The following DYNC1H1 variants were observed in gnomAD, a reference collection of about 807,000 sequenced individuals.
DYNC1H1 encodes dynein cytoplasmic 1 heavy chain 1, also known as cytoplasmic dynein 1 heavy chain 1.
Under a neutral mutation model 527.1 loss-of-function variants are expected in DYNC1H1, and 51 were observed. The observed-to-expected ratio is 0.10, with a 90% CI of 0.08 to 0.12. The LOEUF is 0.12. DYNC1H1 is among the 10% of genes least tolerant of loss of function. The pLI, the probability that DYNC1H1 is intolerant of heterozygous loss-of-function variation, is 1.00. For synonymous variants in DYNC1H1, 2,189 were observed against 2,278.8 expected (o/e 0.96, Z 1.12); for missense variants, 2,771 against 5,971.8 (o/e 0.46, Z 17.66).
At chr14:101,988,646 G>C (rs2047962683) in intron 9 of DYNC1H1, 57 bp from the exon 10 acceptor site, 1 of 1,611,886 alleles carries the variant, frequency 6.2e-7, no homozygotes, top group African/African-American at 1.3e-5. Flanking sequence ...TGATTGACTT[G>C]CTTTGTGAGC....
In DYNC1H1 at chr14:101,975,692, ATATT is replaced by A. The variant is rs761402353; in HGVS notation, c.257-15_257-12del. 17 of 1,590,196 alleles carry A rather than the reference ATATT, an allele frequency of 1.1e-5. No individual in the cohort carries two copies. The highest frequency in any genetic ancestry group is 1.7e-5 in the Admixed American group (1 of 59,890). ...TTGGAAATGTTGATATTAATTTGAT[ATATT>A]TATTATGATTTGTAGAGGACGTCGG... On this transcript the variant is annotated splice_polypyrimidine_tract_variant and intron_variant, in intron 1 of 77. Transcript: ENST00000360184.
chr14:102,007,149 G>T (rs2048205694), intron 28 of DYNC1H1, 41 bp downstream of exon 28: 1 of 1,598,458 alleles, frequency 6.3e-7, no homozygotes, highest in Admixed American at 1.7e-5. Context: ...GTAATGCCCT[G>T]CAGGGATCAT....
chr14:102,041,194 GT>G lies in DYNC1H1; in HGVS notation c.11942-375del. On this transcript the variant is annotated intron_variant, in intron 64 of 77. Coordinates refer to ENST00000360184, the MANE Select transcript of DYNC1H1 (RefSeq NM_001376.5). This position sits in a 1 kb window ranked among gnomAD's most constrained non-coding sequence, Gnocchi z 4.5. ...AGACAGGAATGGAATGCCATCAGCCGTTTTTGAGTGTGTTAGGCCAGACCCT... is the reference window on the plus strand; with the variant it reads ...AGACAGGAATGGAATGCCATCAGCCGTTTTGAGTGTGTTAGGCCAGACCCT... 2.8e-6 allele frequency: 1 copy of G among 360,944 alleles called. No homozygotes were observed. Among genetic ancestry groups the G allele is most frequent in the Non-Finnish European group, 5.3e-6 (1 of 189,452 alleles). The allele number at this position is 360,944 out of a possible 1,614,324, so 22.4% of individuals were successfully genotyped here.
In DYNC1H1 at chr14:102,038,824, C is replaced by T; in HGVS notation, c.11182C>T (p.Arg3728Ter). The change falls in exon 59 of 78, where the codon CGA (arginine) becomes TGA (stop). Residue 3728 changes from arginine (R) to a stop codon, truncating the protein, a stop_gained. Coordinates refer to ENST00000360184, the MANE Select transcript of DYNC1H1 (RefSeq NM_001376.5). LOFTEE classifies it high-confidence loss of function. The surrounding 1 kb of genome is among the most constrained non-coding windows in gnomAD (Gnocchi z 7.2). ...KAERPDVDEK[R>*]SDLLKLQGEF... ...AGAAAGACCTGATGTGGACGAGAAA[C>T]GATCTGATCTTCTTAAACTTCAAGG... 1.2e-6 allele frequency: 2 copies of T among 1,614,176 alleles called. No homozygotes were observed. The highest frequency in any genetic ancestry group is 1.7e-6 in the Non-Finnish European group (2 of 1,180,034).
chr14:102,041,991 C>T lies in DYNC1H1; in HGVS notation c.12103-22C>T. 5.0e-6 allele frequency: 8 copies of T among 1,612,380 alleles called. No homozygotes were observed. Among genetic ancestry groups the T allele is most frequent in the Non-Finnish European group, 6.8e-6 (8 of 1,178,434 alleles). On this transcript the variant is annotated intron_variant, in intron 65 of 77. Coordinates refer to ENST00000360184, the MANE Select transcript of DYNC1H1 (RefSeq NM_001376.5). The surrounding 1 kb of genome is among the most constrained non-coding windows in gnomAD (Gnocchi z 4.5). ...ACACTATTTGCTGGCACTGTAATAA[C>T]TTCTGCCTTCTTTGTTTGCAGGTGA... is the stretch of plus-strand genomic sequence containing the variant.
At chr14:102,028,510 G>C in intron 48 of DYNC1H1, 1 of 343,384 alleles carries the variant, frequency 2.9e-6, no homozygotes, top group Non-Finnish European at 5.7e-6. Context: ...GCAAGACCCA[G>C]ACTCAAAACA....
In DYNC1H1 at chr14:102,005,852, T is replaced by C. The variant is rs765735810; in HGVS notation, c.5434-36T>C. 3 of 1,613,716 alleles carry C rather than the reference T, an allele frequency of 1.9e-6. No homozygotes were observed. The highest frequency in any genetic ancestry group is 1.7e-6 in the Non-Finnish European group (2 of 1,179,744). On this transcript the variant is annotated intron_variant, in intron 26 of 77. Transcript: ENST00000360184. This position sits in a 1 kb window ranked among gnomAD's most constrained non-coding sequence, Gnocchi z 4.0. ...CGGAGAATGCACTGTATTGCTTTAGTGTAGATGAACTTTTAAAGTGACTCT... is the reference window on the plus strand; with the variant it reads ...CGGAGAATGCACTGTATTGCTTTAGCGTAGATGAACTTTTAAAGTGACTCT...
rs918768310 is a variant in DYNC1H1, at chr14:102,049,336, G to A, written c.13373-104G>A. The A allele has an allele frequency of 5.4e-5, 84 of 1,561,224 alleles. No homozygotes were observed. The African/African-American group carries it at 6.9e-4, about 13-fold the overall frequency. ...AAGGCAGTAGGTGGAGCCGCCAGCC[G>A]CCTGTGTGGGCAGCCAGGATGCCTA... On this transcript the variant is annotated intron_variant, in intron 74 of 77. Transcript: ENST00000360184. The surrounding 1 kb of genome is among the most constrained non-coding windows in gnomAD (Gnocchi z 5.5).
In DYNC1H1 at chr14:102,012,185, G is replaced by A; in HGVS notation, c.6857+72G>A. On this transcript the variant is annotated intron_variant, in intron 33 of 77. Transcript: ENST00000360184. The surrounding 1 kb of genome is among the most constrained non-coding windows in gnomAD (Gnocchi z 4.9). ...TAAGTACTTTGCTCTCACAAGAGCA[G>A]AGTATACGTTATTTTTCAACCAAAG... The A allele has an allele frequency of 6.2e-7, 1 of 1,604,374 alleles. No individual in the cohort carries two copies. Among genetic ancestry groups the A allele is most frequent in the Non-Finnish European group, 8.5e-7 (1 of 1,171,358 alleles).
In DYNC1H1 at chr14:102,018,410, G is replaced by A. The variant is rs367930790; in HGVS notation, c.8178-41G>A. On this transcript the variant is annotated intron_variant, in intron 40 of 77. Coordinates refer to ENST00000360184, the MANE Select transcript of DYNC1H1 (RefSeq NM_001376.5). The surrounding 1 kb of genome is among the most constrained non-coding windows in gnomAD (Gnocchi z 5.2). ...GGCACACTGCCCCTTCCTGGGAGGC[G>A]CTGTCAGGGAGGGGCGCTGAGCGGG... 3.9e-5 allele frequency: 62 copies of A among 1,605,968 alleles called. No individual in the cohort carries two copies. The highest frequency in any genetic ancestry group is 1.5e-4 in the African/African-American group (11 of 74,852).
chr14:102,025,404 CAAA>C (rs530562855), intron 43 of DYNC1H1, among the ~76,000 whole-genome samples: 2 of 112,590 alleles, frequency 1.8e-5, no homozygotes, highest in Non-Finnish European at 1.9e-5. Flanking sequence ...GACTCTGTCT[CAAA>C]AAAAAAAAAA....
chr14:102,011,658 A>C lies in DYNC1H1; in HGVS notation c.6619-217A>C. 3.5e-6 allele frequency: 2 copies of C among 570,962 alleles called. No homozygotes were observed. Among genetic ancestry groups the C allele is most frequent in the Non-Finnish European group, 3.1e-6 (1 of 318,976 alleles). 35.4% of individuals were successfully genotyped at this position (570,962 alleles called of 1,614,324 possible). A position where few individuals can be genotyped will look rare whatever the true frequency, so the allele number is the denominator to read the frequency against. On this transcript the variant is annotated intron_variant, in intron 32 of 77. Coordinates refer to ENST00000360184, the MANE Select transcript of DYNC1H1 (RefSeq NM_001376.5). The surrounding 1 kb of genome is among the most constrained non-coding windows in gnomAD (Gnocchi z 5.3). ...AGCCAGCTACTTGGGAGAGTGAGGA[A>C]GGAGAATCACTTGAACCTGGGAGGT...
chr14:102,025,262 G>A lies in DYNC1H1; in HGVS notation c.8638-1312G>A, dbSNP rs17541297. Among the ~76,000 whole-genome samples the A allele has an allele frequency of 5.0e-3, 768 of 152,088 alleles. 8 individuals are homozygous for A. The highest frequency in any genetic ancestry group is 0.017 in the African/African-American group (720 of 41,480). On this transcript the variant is annotated intron_variant, in intron 43 of 77. Transcript: ENST00000360184. ...TCTACTAAAAATACAAAAATTAGCC[G>A]GGTGCGGTACTGCATGCCTGTAATC...
At position 102,011,554 on chromosome 14, in the gene DYNC1H1, A is replaced by C; in HGVS notation, c.6619-321A>C. On this transcript the variant is annotated intron_variant, in intron 32 of 77. Transcript: ENST00000360184. This position sits in a 1 kb window ranked among gnomAD's most constrained non-coding sequence, Gnocchi z 5.3. ...GCCACAGTTTGGAAATGTTTGTTTT[A>C]CATGTGACCTGTGTAACATCTCTCC... 2 of 380,534 alleles carry C rather than the reference A, an allele frequency of 5.3e-6. No homozygotes were observed. Among genetic ancestry groups the C allele is most frequent in the Non-Finnish European group, 1.0e-5 (2 of 198,688 alleles). 23.6% of individuals were successfully genotyped at this position (380,534 alleles called of 1,614,324 possible).
intron 11 of DYNC1H1, among the ~76,000 whole-genome samples, chr14:101,992,570 C>G (rs758098139): frequency 1.3e-5 from 2 of 152,200 alleles, no homozygotes; most frequent in Non-Finnish European, 2.9e-5. Flanking sequence ...TCCCCTCACT[C>G]TCGTTTAGCT....
intron 16 of DYNC1H1, among the ~76,000 whole-genome samples, chr14:101,999,462 T>TA (rs1340934848): frequency 6.6e-5 from 10 of 152,382 alleles, no homozygotes; most frequent in African/African-American, 2.4e-4. Flanking sequence ...TGTTTTTTGA[T>TA]ATCTTGCCTT....
At chr14:102,048,062 A>C (rs1259859056) in intron 73 of DYNC1H1, 34 bp downstream of exon 73, 3 of 1,589,510 alleles carry the variant, frequency 1.9e-6, no homozygotes, top group Non-Finnish European at 2.6e-6. Flanking sequence ...GCCAGGTCTC[A>C]AGGTCCCAGG....
rs1244585889 is a variant in DYNC1H1 at position 102,012,847 on chromosome 14, TGA to T, written c.7014+378_7014+379del. 1 of 350,098 alleles carries T rather than the reference TGA, an allele frequency of 2.9e-6. No individual in the cohort carries two copies. The highest frequency in any genetic ancestry group is 5.5e-6 in the Non-Finnish European group (1 of 182,204). 21.7% of individuals were successfully genotyped at this position (350,098 alleles called of 1,614,324 possible). A position where few individuals can be genotyped will look rare whatever the true frequency, so the allele number is the denominator to read the frequency against. ...GGCTGTCCCTTGGAAAATGAGTGCA[TGA>T]TGCAGGTGCCTGACAACACCTACTG... On this transcript the variant is annotated intron_variant, in intron 34 of 77. Coordinates refer to ENST00000360184, the MANE Select transcript of DYNC1H1 (RefSeq NM_001376.5). This position sits in a 1 kb window ranked among gnomAD's most constrained non-coding sequence, Gnocchi z 4.9.
chr14:102,015,096 T>G lies in DYNC1H1; in HGVS notation c.7015-9T>G. The G allele has an allele frequency of 6.2e-7, 1 of 1,614,236 alleles. No homozygotes were observed. Among genetic ancestry groups the G allele is most frequent in the Non-Finnish European group, 8.5e-7 (1 of 1,180,022 alleles). The stretch of plus-strand genomic sequence containing the variant: ...ATGTCATTAAATCTGCTTAATGTTT[T>G]CTTTCAAGGTGAGAATAATGTTTGA... On this transcript the variant is annotated splice_polypyrimidine_tract_variant and intron_variant, in intron 34 of 77. Coordinates refer to ENST00000360184, the MANE Select transcript of DYNC1H1 (RefSeq NM_001376.5). The surrounding 1 kb of genome is among the most constrained non-coding windows in gnomAD (Gnocchi z 6.9).
Sources: gnomAD v4.1 joint callset for allele counts (sites outside exome capture counted in the v4.1 genomes callset) on GRCh38, gnomAD v4.1.1 for gene constraint, Gnocchi (gnomAD v3.1) non-coding constraint, MANE v1.5 for transcripts, NCBI Gene and HGNC (gene_info 2026-07-23, HGNC 2026-07-21) for gene names.